GLP2R: variants seen among roughly 807,000 people sequenced by gnomAD.
The protein encoded by GLP2R is glucagon like peptide 2 receptor.
Under a neutral mutation model 68.2 loss-of-function variants are expected in GLP2R, and 59 were observed. That is an observed-to-expected ratio of 0.87 (90% CI 0.70 to 1.07). The LOEUF (loss-of-function observed/expected upper bound fraction) is 1.07. Ranked by LOEUF, GLP2R falls within the 50% of genes least tolerant of loss-of-function variation. GLP2R has a pLI of 0.00. For synonymous variants in GLP2R, 270 were observed against 265.4 expected (o/e 1.02, Z -0.17); for missense variants, 548 against 677.4 (o/e 0.81, Z 2.12).
intron 9 of GLP2R, among the ~76,000 whole-genome samples, chr17:9,862,936 G>A (rs1291942105): frequency 1.3e-5 from 2 of 152,148 alleles, no homozygotes; most frequent in East Asian, 3.9e-4. Flanking sequence ...GTTTTTATAG[G>A]GGAGTTTCAA....
chr17:9,844,744 G>A (rs1459001927), intron 4 of GLP2R, among the ~76,000 whole-genome samples: 2 of 123,110 alleles, frequency 1.6e-5, no homozygotes, highest in Non-Finnish European at 3.2e-5. Context: ...AGGCTGGAGT[G>A]CAATGGCATG....
At chr17:9,884,626 T>C (rs1465524715) in intron 11 of GLP2R, among the ~76,000 whole-genome samples, 1 of 152,166 alleles carries the variant, frequency 6.6e-6, no homozygotes, top group Non-Finnish European at 1.5e-5. Flanking sequence ...GCCCACTGCA[T>C]GCTCACCAAA....
At chr17:9,888,835 T>C (rs1223808724) in intron 12 of GLP2R, among the ~76,000 whole-genome samples, 1 of 152,196 alleles carries the variant, frequency 6.6e-6, no homozygotes, top group Non-Finnish European at 1.5e-5. Flanking sequence ...GGGAAAAGAT[T>C]TGACAGTGGG....
chr17:9,867,218 GGA>G (rs1299249431), intron 9 of GLP2R, among the ~76,000 whole-genome samples: 1 of 152,190 alleles, frequency 6.6e-6, no homozygotes, highest in African/African-American at 2.4e-5. Context: ...CTGGGACCAA[GGA>G]GAGTGTCCCA....
Position 9,842,985 on chromosome 17 carries a change from G to T in GLP2R, c.504+369G>T, listed in dbSNP as rs1308758474. 3.3e-5 allele frequency among the ~76,000 whole-genome samples: 5 copies of T among 152,282 alleles called. No individual in the cohort carries two copies. In the East Asian group the frequency reaches 9.7e-4, roughly 29 times the overall value. On this transcript the variant is annotated intron_variant, in intron 4 of 12. Transcript: ENST00000262441. ...AGATCTTCCAGGGTCACCTAATCCA[G>T]AGAGTGCCCTCTATGGTTGCCACAT...
chr17:9,892,002 A>ATTTATAAATACTCCC lies in GLP2R; in HGVS notation c.*2299_*2313dup, dbSNP rs1257382469. The stretch of plus-strand genomic sequence containing the variant: ...AAGAGGAGAAACTTTTTTTCAAAGC[A>ATTTATAAATACTCCC]TTTATAAATACTCCCTCCACCCCTC... On this transcript the variant is annotated 3_prime_UTR_variant, in exon 13 of 13. Coordinates refer to ENST00000262441, the MANE Select transcript of GLP2R (RefSeq NM_004246.3). 1 of 152,178 alleles carries ATTTATAAATACTCCC rather than the reference A, an allele frequency of 6.6e-6. No homozygotes were observed. Among genetic ancestry groups the ATTTATAAATACTCCC allele is most frequent in the Non-Finnish European group, 1.5e-5 (1 of 68,034 alleles). The allele number at this position is 152,178 out of a possible 1,614,324, so 9.4% of individuals were successfully genotyped here.
chr17:9,880,467 T>G lies in GLP2R; in HGVS notation c.1235T>G (p.Phe412Cys). The change falls in exon 11 of 13, where the codon TTT becomes TGT. Residue 412 changes from phenylalanine (F) to cysteine (C), a missense_variant. Transcript: ENST00000262441. ...ATCACTGATGATCAAGTTGAAGGAT[T>G]TGCAAAACTTATACGACTTTTCATT... ...SFITDDQVEG[F>C]AKLIRLFIQL... 6.2e-7 allele frequency: 1 copy of G among 1,605,852 alleles called. No individual in the cohort carries two copies. Among genetic ancestry groups the G allele is most frequent in the South Asian group, 1.1e-5 (1 of 89,622 alleles).
chr17:9,840,117 C>T (rs1259194807), intron 3 of GLP2R, among the ~76,000 whole-genome samples: 2 of 151,918 alleles, frequency 1.3e-5, no homozygotes, highest in Admixed American at 6.6e-5. Flanking sequence ...GCTGGGATTA[C>T]AGGCACACAT....
intron 9 of GLP2R, among the ~76,000 whole-genome samples, chr17:9,867,188 T>G (rs113485367): frequency 6.6e-6 from 1 of 152,208 alleles, no homozygotes; most frequent in Non-Finnish European, 1.5e-5. Context: ...AAAAGCCAAC[T>G]GTGCATGGTG....
At chr17:9,847,477 C>T (rs570650986) in intron 4 of GLP2R, among the ~76,000 whole-genome samples, 6 of 152,014 alleles carry the variant, frequency 3.9e-5, no homozygotes, top group Non-Finnish European at 8.8e-5. Flanking sequence ...ACCATGTTGG[C>T]CAGGCTGGTC....
At chr17:9,863,949 C>T (rs1343573785) in intron 9 of GLP2R, among the ~76,000 whole-genome samples, 1 of 152,168 alleles carries the variant, frequency 6.6e-6, no homozygotes, top group Non-Finnish European at 1.5e-5. Context: ...AAGGTTCTTG[C>T]TAACCAGGTA....
intron 10 of GLP2R, among the ~76,000 whole-genome samples, chr17:9,873,478 C>A (rs944497984): frequency 6.6e-6 from 1 of 151,002 alleles, no homozygotes; most frequent in African/African-American, 2.4e-5. Context: ...CCTCACAGAG[C>A]AGCCGTGTCC....
chr17:9,865,354 C>G (rs2067025861), intron 9 of GLP2R, among the ~76,000 whole-genome samples: 1 of 152,024 alleles, frequency 6.6e-6, no homozygotes, highest in African/African-American at 2.4e-5. Context: ...CTGCAAACAC[C>G]TCCTTTTTGG....
intron 5 of GLP2R, among the ~76,000 whole-genome samples, chr17:9,855,076 G>C (rs2066923380): frequency 6.6e-6 from 1 of 152,106 alleles, no homozygotes; most frequent in Non-Finnish European, 1.5e-5. Context: ...ATATTTTTGA[G>C]CCGCAGTGCA....
chr17:9,847,831 C>T (rs1189907514), intron 4 of GLP2R, among the ~76,000 whole-genome samples: 2 of 152,136 alleles, frequency 1.3e-5, no homozygotes, highest in Non-Finnish European at 2.9e-5. Flanking sequence ...TGGGTGTTGG[C>T]ATGTCCTTGG....
At chr17:9,869,453 C>A (rs2067071620) in intron 9 of GLP2R, among the ~76,000 whole-genome samples, 1 of 152,248 alleles carries the variant, frequency 6.6e-6, no homozygotes, top group Non-Finnish European at 1.5e-5. Context: ...TCTCATTCTC[C>A]AAGCTCTACC....
intron 5 of GLP2R, 85 bp from the exon 6 acceptor site, chr17:9,857,338 T>C: frequency 8.4e-7 from 1 of 1,196,274 alleles, no homozygotes; most frequent in Non-Finnish European, 1.2e-6. Flanking sequence ...TCTTTAGTGA[T>C]AGATACACAG....
intron 11 of GLP2R, among the ~76,000 whole-genome samples, chr17:9,881,442 G>A (rs969277060): frequency 1.1e-4 from 14 of 130,554 alleles, no homozygotes; most frequent in Non-Finnish European, 2.1e-4. Flanking sequence ...GTGCAGTGGC[G>A]GGATCTCGGC....
At chr17:9,834,905 T>C (rs1189672308) in intron 2 of GLP2R, 2 of 152,102 alleles carry the variant, frequency 1.3e-5, no homozygotes, top group African/African-American at 2.4e-5. Flanking sequence ...ACAGCTCAGG[T>C]GAGCACTGCC....
Sources: gnomAD v4.1 joint callset for allele counts (sites outside exome capture counted in the v4.1 genomes callset) on GRCh38, gnomAD v4.1.1 for gene constraint, MANE v1.5 for transcripts, NCBI Gene and HGNC (gene_info 2026-07-23, HGNC 2026-07-21) for gene names.